The following MED13L variants were observed in gnomAD, a reference collection of about 807,000 sequenced individuals.
MED13L encodes mediator complex subunit 13L.
MED13L carries 7 observed loss-of-function variants against 220.9 expected under a neutral mutation model. The ratio of observed to expected loss-of-function variants is 0.03; its 90% CI spans 0.02 to 0.06. The LOEUF is 0.06. MED13L is among the 10% of genes least tolerant of loss of function. The probability of loss-of-function intolerance (pLI) is 1.00; values close to 1 mark genes in which losing one functional copy is unlikely to be tolerated. For missense variants in MED13L, 1,965 were observed against 2,760.5 expected (o/e 0.71, Z 6.46); for synonymous variants, 1,011 against 1,015.2 (o/e 1.00, Z 0.08).
In MED13L at chr12:115,975,850, TTCTC is replaced by T. The variant is rs147570553; in HGVS notation, c.5365-116_5365-113del. ...ACAGGGAGTAATGGTAGTAAATCGT[TTCTC>T]TCTCTCTCTCTCCAGTACTAGAGAC... On this transcript the variant is annotated intron_variant, in intron 23 of 30. Coordinates refer to ENST00000281928, the MANE Select transcript of MED13L (RefSeq NM_015335.5). 19 of 909,126 alleles carry T rather than the reference TTCTC, an allele frequency of 2.1e-5. No individual in the cohort carries two copies. The East Asian group carries it at 3.0e-4, about 14-fold the overall frequency. 56.3% of individuals were successfully genotyped at this position (909,126 alleles called of 1,614,324 possible).
At chr12:116,140,642 C>A (rs180796596) in intron 2 of MED13L, among the ~76,000 whole-genome samples, 1 of 152,120 alleles carries the variant, frequency 6.6e-6, no homozygotes, top group East Asian at 1.9e-4. Context: ...CAAAAAGGAC[C>A]CAGAAAAGTA....
intron 4 of MED13L, among the ~76,000 whole-genome samples, chr12:116,089,415 GGAT>G (rs1289183086): frequency 1.3e-5 from 2 of 152,048 alleles, no homozygotes; most frequent in African/African-American, 4.8e-5. Flanking sequence ...GAAATGAAAA[GGAT>G]GATATCATCT....
chr12:116,221,885 A>G (rs571368833), intron 2 of MED13L, among the ~76,000 whole-genome samples: 1 of 152,316 alleles, frequency 6.6e-6, no homozygotes, highest in South Asian at 2.1e-4. Context: ...TCAAATCCCC[A>G]TAAGGAGCAA....
chr12:116,247,028 T>A (rs1303552518), intron 1 of MED13L, among the ~76,000 whole-genome samples: 3 of 151,998 alleles, frequency 2.0e-5, no homozygotes, highest in African/African-American at 7.3e-5. Flanking sequence ...TCTTCGATAG[T>A]GGAAGATATA....
chr12:116,206,301 G>A (rs896873618), intron 2 of MED13L, among the ~76,000 whole-genome samples: 3 of 151,782 alleles, frequency 2.0e-5, no homozygotes, highest in Admixed American at 1.3e-4. Context: ...GGCTAGTCTC[G>A]AACTCCTGAC....
At chr12:116,098,621 G>C (rs186500037) in intron 3 of MED13L, among the ~76,000 whole-genome samples, 1 of 146,342 alleles carries the variant, frequency 6.8e-6, no homozygotes, top group East Asian at 2.0e-4. Flanking sequence ...AACTCCTTTT[G>C]GGCAGTCAAT....
intron 10 of MED13L, 47 bp downstream of exon 10, chr12:116,008,354 C>T: frequency 1.3e-6 from 2 of 1,565,650 alleles, no homozygotes; most frequent in Non-Finnish European, 1.7e-6. Flanking sequence ...GGGAGGGAGC[C>T]CATGCCCTTC....
intron 2 of MED13L, among the ~76,000 whole-genome samples, chr12:116,183,803 G>GGTGTGTGTGTGTGTGTGTGT (rs66691805): frequency 1.0e-4 from 11 of 110,092 alleles, no homozygotes; most frequent in African/African-American, 1.9e-4. Context: ...TAGAAAAAAT[G>GGTGTGTGTGTGTGTGTGTGT]GTGTGTGTGT....
intron 1 of MED13L, among the ~76,000 whole-genome samples, chr12:116,248,506 C>A (rs1158735695): frequency 6.6e-6 from 1 of 152,118 alleles, no homozygotes; most frequent in African/African-American, 2.4e-5. Flanking sequence ...CCTTTCACAC[C>A]TGAAATAAGA....
intron 1 of MED13L, among the ~76,000 whole-genome samples, chr12:116,258,216 T>C (rs1399913814): frequency 6.6e-6 from 1 of 152,222 alleles, no homozygotes; most frequent in African/African-American, 2.4e-5. Context: ...GTTCAGGCTT[T>C]GAATCAAGAG....
At chr12:116,005,594 T>C (rs566448436) in intron 13 of MED13L, among the ~76,000 whole-genome samples, 6 of 152,292 alleles carry the variant, frequency 3.9e-5, no homozygotes, top group Non-Finnish European at 7.4e-5. Flanking sequence ...TTTTAATATG[T>C]ACAACTGGAA....
At chr12:115,987,382 A>G in intron 17 of MED13L, 94 bp from the exon 18 acceptor site, 2 of 1,171,514 alleles carry the variant, frequency 1.7e-6, no homozygotes, top group Non-Finnish European at 2.5e-6. Flanking sequence ...ATTCAGAACA[A>G]TGACGTTATT....
chr12:116,276,476 A>G (rs1873843443), intron 1 of MED13L: 6 of 1,288,636 alleles, frequency 4.7e-6, no homozygotes, highest in Non-Finnish European at 6.1e-6. Flanking sequence ...CAGCATAGTA[A>G]GCCCCGAGAG....
At chr12:116,139,285 A>G (rs1402367596) in intron 2 of MED13L, among the ~76,000 whole-genome samples, 26 of 152,226 alleles carry the variant, frequency 1.7e-4, no homozygotes, top group Admixed American at 1.7e-3. Flanking sequence ...CTAAAAGATA[A>G]AACACACAGC....
At chr12:116,253,198 G>A (rs921046285) in intron 1 of MED13L, among the ~76,000 whole-genome samples, 2 of 151,322 alleles carry the variant, frequency 1.3e-5, no homozygotes, top group African/African-American at 4.9e-5. Flanking sequence ...GGTGGGGGAG[G>A]GGGGCGGAGG....
Position 116,009,013 on chromosome 12 carries a change from T to C in MED13L, c.1400A>G (p.His467Arg). 1 of 1,614,096 alleles carries C rather than the reference T, an allele frequency of 6.2e-7. No homozygotes were observed. The highest frequency in any genetic ancestry group is 8.5e-7 in the Non-Finnish European group (1 of 1,180,000). ...TTTTTCCTGTCTTTCTGCTGTTTTG[T>C]GCTTAGAAGAAGCAGGAGGTGGTAA... is the stretch of plus-strand genomic sequence containing the variant. Reference protein sequence around the residue: ...SSLPPPASSKHKTAERQEKGD... With the variant: ...SSLPPPASSKRKTAERQEKGD... The change falls in exon 10 of 31, where the codon CAC becomes CGC. Residue 467 changes from histidine (H) to arginine (R), a missense_variant. Transcript: ENST00000281928.
Position 116,223,015 on chromosome 12 carries a change from T to C in MED13L, c.310+14453A>G, listed in dbSNP as rs751788996. Among the ~76,000 whole-genome samples, 12 of 152,340 alleles carry C rather than the reference T, an allele frequency of 7.9e-5. No individual in the cohort carries two copies. In the East Asian group the frequency reaches 1.2e-3, roughly 15 times the overall value. ...AAGATAGAAAGCTCAATGAAAGCTA[T>C]TGTCAATTTGATTCTATAGTAAAAC... On this transcript the variant is annotated intron_variant, in intron 2 of 30. Transcript: ENST00000281928.
At chr12:116,180,610 C>T (rs745574322) in intron 2 of MED13L, among the ~76,000 whole-genome samples, 1 of 152,086 alleles carries the variant, frequency 6.6e-6, no homozygotes, top group Non-Finnish European at 1.5e-5. Flanking sequence ...AATTAAGAAA[C>T]TCTGGCAGAG....
At chr12:116,216,533 T>C (rs1241009685) in intron 2 of MED13L, among the ~76,000 whole-genome samples, 1 of 152,122 alleles carries the variant, frequency 6.6e-6, no homozygotes, top group African/African-American at 2.4e-5. Flanking sequence ...ACAGAGATGC[T>C]TCTGGAAGAA....
Sources: gnomAD v4.1 joint callset for allele counts (sites outside exome capture counted in the v4.1 genomes callset) on GRCh38, gnomAD v4.1.1 for gene constraint, MANE v1.5 for transcripts, NCBI Gene and HGNC (gene_info 2026-07-23, HGNC 2026-07-21) for gene names.